The following ASIC2 variants were observed in gnomAD, a reference collection of about 807,000 sequenced individuals.
The protein encoded by ASIC2 is acid sensing ion channel subunit 2.
A neutral mutation model predicts 57.3 loss-of-function variants in ASIC2; 25 were observed. The observed-to-expected ratio is 0.44, with a 90% CI of 0.32 to 0.61. The LOEUF is 0.61. Ranked by LOEUF, ASIC2 falls within the 20% of genes least tolerant of loss-of-function variation. The pLI, the probability that ASIC2 is intolerant of heterozygous loss-of-function variation, is 0.06. For missense variants in ASIC2, 641 were observed against 738.1 expected (o/e 0.87, Z 1.52); for synonymous variants, 319 against 307.5 (o/e 1.04, Z -0.39).
chr17:33,678,629 CAA>C (rs1212383226), intron 1 of ASIC2, among the ~76,000 whole-genome samples: 2 of 152,074 alleles, frequency 1.3e-5, no homozygotes, highest in Non-Finnish European at 2.9e-5. Flanking sequence ...CTCTCCTTTG[CAA>C]AAAGAGACAG....
chr17:33,335,797 C>T (rs1278082690), intron 1 of ASIC2, among the ~76,000 whole-genome samples: 1 of 152,186 alleles, frequency 6.6e-6, no homozygotes, highest in African/African-American at 2.4e-5. Flanking sequence ...AGCACTTACA[C>T]CATGTTAGTA....
intron 1 of ASIC2, among the ~76,000 whole-genome samples, chr17:33,695,059 G>A (rs567340919): frequency 1.3e-4 from 20 of 152,274 alleles, no homozygotes; most frequent in African/African-American, 4.8e-4. Flanking sequence ...AACAGAAATT[G>A]TATGGGAAAG....
rs2092260257 is a variant in ASIC2 at position 33,111,998 on chromosome 17, C to T, written c.778G>A (p.Val260Ile). 6.2e-7 allele frequency: 1 copy of T among 1,614,024 alleles called. No individual in the cohort carries two copies. Among genetic ancestry groups the T allele is most frequent in the Admixed American group, 1.7e-5 (1 of 60,004 alleles). The change falls in exon 2 of 10, where the codon GTC becomes ATC. Residue 260 changes from valine to isoleucine, a missense_variant. By Grantham distance (29) the Val-to-Ile change is conservative. Transcript: ENST00000225823. ...GEDGKPLLTT[V>I]KGGTGNGLEI... ...AGCCCGTTGCCTGTCCCCCCCTTGA[C>T]CGTGGTGAGCAGAGGTTTGCCATCC...
At chr17:33,895,770 A>C (rs1341435259) in intron 1 of ASIC2, among the ~76,000 whole-genome samples, 1 of 152,214 alleles carries the variant, frequency 6.6e-6, no homozygotes, top group Admixed American at 6.5e-5. Flanking sequence ...TCTGTCCCAC[A>C]AGTCCTGAAA....
chr17:34,039,647 T>C (rs1363764269), intron 1 of ASIC2: 65 of 1,613,004 alleles, frequency 4.0e-5, no homozygotes, highest in Non-Finnish European at 5.4e-5. Flanking sequence ...GGAGTGCCTT[T>C]CCCTTGGCTA....
At chr17:33,723,927 T>A (rs1319421984) in intron 1 of ASIC2, among the ~76,000 whole-genome samples, 1 of 152,158 alleles carries the variant, frequency 6.6e-6, no homozygotes, top group Non-Finnish European at 1.5e-5. Context: ...GAGCTTGAAA[T>A]CATGCAGGAC....
chr17:33,797,349 C>T (rs939216772), intron 1 of ASIC2, among the ~76,000 whole-genome samples: 7 of 152,032 alleles, frequency 4.6e-5, no homozygotes, highest in Non-Finnish European at 5.9e-5. Context: ...GCATGACTAG[C>T]GAGGAGTGTG....
rs141652333 is a variant in ASIC2 at position 33,760,520 on chromosome 17, A to ATG, written c.555+395456_555+395457dup. On this transcript the variant is annotated intron_variant, in intron 1 of 9. Coordinates refer to the ASIC2 transcript ENST00000359872. ...GATATGCATATATATAAAGCTATATATGTGTGTGTGTGTGTGCCATAGATT... is the reference window on the plus strand; with the variant it reads ...GATATGCATATATATAAAGCTATATATGTGTGTGTGTGTGTGTGCCATAGATT... 5.1e-3 allele frequency among the ~76,000 whole-genome samples: 771 copies of ATG among 150,822 alleles called. 8 individuals are homozygous for ATG. Among genetic ancestry groups the ATG allele is most frequent in the African/African-American group, 0.017 (698 of 41,146 alleles).
intron 1 of ASIC2, among the ~76,000 whole-genome samples, chr17:33,594,783 G>T (rs1005017360): frequency 6.7e-6 from 1 of 148,648 alleles, no homozygotes; most frequent in Non-Finnish European, 1.5e-5. Flanking sequence ...AGCCTAGATC[G>T]CACCACTGCA....
intron 1 of ASIC2, among the ~76,000 whole-genome samples, chr17:34,035,782 A>G (rs1176630280): frequency 6.6e-6 from 1 of 152,230 alleles, no homozygotes; most frequent in Admixed American, 6.5e-5. Flanking sequence ...ACGTGAAAAA[A>G]TGCTCACCAT....
chr17:33,852,528 A>G (rs1306779228), intron 1 of ASIC2, among the ~76,000 whole-genome samples: 1 of 152,086 alleles, frequency 6.6e-6, no homozygotes, highest in East Asian at 1.9e-4. Flanking sequence ...CTTAATCCAC[A>G]TGTAAGTCCC....
chr17:33,531,626 C>T (rs527891858), intron 1 of ASIC2, among the ~76,000 whole-genome samples: 14 of 152,288 alleles, frequency 9.2e-5, no homozygotes, highest in African/African-American at 3.4e-4. Flanking sequence ...AAGACTTCTC[C>T]ATCGCACTTG....
At chr17:33,763,796 T>C (rs767212828) in intron 1 of ASIC2, among the ~76,000 whole-genome samples, 5 of 152,176 alleles carry the variant, frequency 3.3e-5, no homozygotes, top group Non-Finnish European at 7.4e-5. Flanking sequence ...GTCACTGAGA[T>C]TTTCTGGTTG....
In ASIC2 at chr17:33,491,377, T is replaced by C. The variant is rs189914942; in HGVS notation, c.556-379310A>G. 1.2e-4 allele frequency among the ~76,000 whole-genome samples: 18 copies of C among 152,342 alleles called. No individual in the cohort carries two copies. In the East Asian group the frequency reaches 1.4e-3, roughly 11 times the overall value. ...TACCAGTCCCTGCCTTTGACCTTGC[T>C]GTTGTCCCTGTCTGCAATTCATTTC... On this transcript the variant is annotated intron_variant, in intron 1 of 9. Transcript: ENST00000359872.
chr17:33,882,332 A>C (rs1200676603), intron 1 of ASIC2, among the ~76,000 whole-genome samples: 7 of 152,220 alleles, frequency 4.6e-5, no homozygotes, highest in Non-Finnish European at 1.0e-4. Context: ...CAGCCTACAG[A>C]ATGGGGGAAA....
intron 2 of ASIC2, among the ~76,000 whole-genome samples, chr17:33,099,324 G>A (rs12326040): frequency 0.063 from 9,657 of 152,084 alleles, 428 homozygotes; most frequent in Middle Eastern, 0.11. Flanking sequence ...GCCGCTTACC[G>A]CATTTTAAAA....
rs1905942177 is a variant in ASIC2, at chr17:33,180,612, T to C, written c.709-68545A>G. On this transcript the variant is annotated intron_variant, in intron 1 of 9. Coordinates refer to ENST00000225823, the MANE Select transcript of ASIC2 (RefSeq NM_183377.2). ...CCCCCAACTGCTGGGAGTCCAGGAA[T>C]CACCACCAGGCCTTGGCAGGGACTT... Among the ~76,000 whole-genome samples, 2 of 152,126 alleles carry C rather than the reference T, an allele frequency of 1.3e-5. 1 individual carries two copies. Among genetic ancestry groups the C allele is most frequent in the South Asian group, 4.1e-4 (2 of 4,824 alleles).
At chr17:33,706,160 G>A (rs2142072706) in intron 1 of ASIC2, among the ~76,000 whole-genome samples, 1 of 149,550 alleles carries the variant, frequency 6.7e-6, no homozygotes, top group South Asian at 2.1e-4. Context: ...GGTTGAATCT[G>A]TAGTCATATG....
At chr17:34,092,639 C>CT (rs1910374836) in intron 1 of ASIC2, among the ~76,000 whole-genome samples, 1 of 152,168 alleles carries the variant, frequency 6.6e-6, no homozygotes, top group South Asian at 2.1e-4. Flanking sequence ...TAGACTCTTC[C>CT]TTTCCCAGTC....
Sources: gnomAD v4.1 joint callset for allele counts (sites outside exome capture counted in the v4.1 genomes callset) on GRCh38, gnomAD v4.1.1 for gene constraint, MANE v1.5 for transcripts, NCBI Gene and HGNC (gene_info 2026-07-23, HGNC 2026-07-21) for gene names.